The following SDC2 variants were observed in gnomAD, a reference collection of about 807,000 sequenced individuals.
The protein encoded by SDC2 is syndecan-2.
SDC2 carries 13 observed loss-of-function variants against 22.2 expected under a neutral mutation model. The observed-to-expected ratio is 0.59, with a 90% CI of 0.38 to 0.93. The LOEUF (loss-of-function observed/expected upper bound fraction) is 0.93, where lower values mean the gene tolerates loss of function less well. Ranked by LOEUF, SDC2 falls within the 40% of genes least tolerant of loss-of-function variation. The pLI is 0.00. For missense variants in SDC2, 235 were observed against 246.8 expected, an observed-to-expected ratio of 0.95 and a Z score of 0.32; for synonymous variants, 94 against 92.8, an observed-to-expected ratio of 1.01 and a Z score of -0.07.
At chr8:96,602,764 C>T (rs950955547) in intron 3 of SDC2, among the ~76,000 whole-genome samples, 1 of 152,156 alleles carries the variant, frequency 6.6e-6, no homozygotes, top group Non-Finnish European at 1.5e-5. Flanking sequence ...TTGGCATTTA[C>T]CCACTTATAA....
intron 1 of SDC2, among the ~76,000 whole-genome samples, chr8:96,516,409 A>C (rs1813402210): frequency 6.6e-6 from 1 of 152,226 alleles, no homozygotes; most frequent in African/African-American, 2.4e-5. Flanking sequence ...TAGGTACATA[A>C]CATTGAATAG....
At chr8:96,497,788 A>G (rs965063105) in intron 1 of SDC2, among the ~76,000 whole-genome samples, 1 of 152,190 alleles carries the variant, frequency 6.6e-6, no homozygotes, top group African/African-American at 2.4e-5. Flanking sequence ...GCTGGTGGGG[A>G]TCCAGTTGTC....
intron 1 of SDC2, among the ~76,000 whole-genome samples, chr8:96,521,002 T>C (rs1331724484): frequency 6.6e-6 from 1 of 152,198 alleles, no homozygotes; most frequent in Non-Finnish European, 1.5e-5. Context: ...CAAGTGCCTT[T>C]TAAGACCCTT....
intron 1 of SDC2, among the ~76,000 whole-genome samples, chr8:96,520,117 A>G (rs775392019): frequency 6.6e-6 from 1 of 152,208 alleles, no homozygotes; most frequent in Non-Finnish European, 1.5e-5. Context: ...TAGAGCTGAT[A>G]TAAGAATCCA....
At chr8:96,494,615 C>T (rs1224720192) in intron 1 of SDC2, among the ~76,000 whole-genome samples, 1 of 152,068 alleles carries the variant, frequency 6.6e-6, no homozygotes, top group Non-Finnish European at 1.5e-5. Context: ...CCAACTTCTT[C>T]GCCCTCGGCG....
chr8:96,539,587 A>G (rs150828198), intron 1 of SDC2, among the ~76,000 whole-genome samples: 15 of 152,374 alleles, frequency 9.8e-5, no homozygotes, highest in African/African-American at 3.4e-4. Context: ...CTTGCCTAGC[A>G]CTATGCCATA....
chr8:96,574,355 C>T (rs1035904536), intron 1 of SDC2, among the ~76,000 whole-genome samples: 1 of 152,172 alleles, frequency 6.6e-6, no homozygotes, highest in Non-Finnish European at 1.5e-5. Context: ...ACCAAAACAT[C>T]TGCTTTATCA....
At position 96,609,690 on chromosome 8, in the gene SDC2, A is replaced by T; in HGVS notation, c.*142A>T. The T allele has an allele frequency of 1.9e-6, 1 of 532,376 alleles. No homozygotes were observed. The allele number at this position is 532,376 out of a possible 1,614,324, so 33.0% of individuals were successfully genotyped here. On this transcript the variant is annotated 3_prime_UTR_variant, in exon 5 of 5. Coordinates refer to ENST00000302190, the MANE Select transcript of SDC2 (RefSeq NM_002998.4). ...TAATGATAAAATCCCATTGTATTTAAAACATTTCATGTATTTCTTTAGAAC... is the reference window on the plus strand; with the variant it reads ...TAATGATAAAATCCCATTGTATTTATAACATTTCATGTATTTCTTTAGAAC...
intron 1 of SDC2, among the ~76,000 whole-genome samples, chr8:96,509,650 T>G (rs1435828263): frequency 1.0e-5 from 1 of 96,216 alleles, no homozygotes; most frequent in African/African-American, 3.2e-5. Context: ...GTGGTTGGGG[T>G]CCAGCTCCCT....
chr8:96,537,888 C>T (rs748384847), intron 1 of SDC2, among the ~76,000 whole-genome samples: 2 of 152,168 alleles, frequency 1.3e-5, no homozygotes, highest in South Asian at 2.1e-4. Context: ...AGTCTTGGGG[C>T]ATGGTCATAA....
At chr8:96,534,422 A>G (rs1813718920) in intron 1 of SDC2, among the ~76,000 whole-genome samples, 1 of 152,286 alleles carries the variant, frequency 6.6e-6, no homozygotes, top group African/African-American at 2.4e-5. Context: ...AGACTGTTTC[A>G]TGCCAGTGGC....
intron 2 of SDC2, among the ~76,000 whole-genome samples, chr8:96,597,715 G>A (rs530485566): frequency 8.5e-5 from 13 of 152,260 alleles, no homozygotes; most frequent in East Asian, 1.9e-4. Context: ...TGGGACTGTC[G>A]TGTCAAAAAT....
At chr8:96,551,038 T>C (rs1358633097) in intron 1 of SDC2, among the ~76,000 whole-genome samples, 2 of 152,192 alleles carry the variant, frequency 1.3e-5, no homozygotes, top group Non-Finnish European at 2.9e-5. Context: ...CAGCCAGTGA[T>C]AGCATGTTCA....
chr8:96,577,744 C>G (rs1048286024), intron 1 of SDC2, among the ~76,000 whole-genome samples: 1 of 152,172 alleles, frequency 6.6e-6, no homozygotes, highest in Non-Finnish European at 1.5e-5. Flanking sequence ...TTGCCCACCC[C>G]CTCTTCCCCT....
intron 1 of SDC2, among the ~76,000 whole-genome samples, chr8:96,495,273 T>C (rs1023216214): frequency 2.6e-5 from 4 of 152,194 alleles, no homozygotes; most frequent in African/African-American, 9.6e-5. Flanking sequence ...GCGGAGCGCC[T>C]GCCGGCACCC....
chr8:96,569,906 T>C (rs1475150191), intron 1 of SDC2, among the ~76,000 whole-genome samples: 2 of 152,074 alleles, frequency 1.3e-5, no homozygotes, highest in Non-Finnish European at 2.9e-5. Context: ...GCACATGTGC[T>C]CTCTGGGAAA....
At chr8:96,515,315 C>A (rs1451521981) in intron 1 of SDC2, among the ~76,000 whole-genome samples, 3 of 152,188 alleles carry the variant, frequency 2.0e-5, no homozygotes, top group Non-Finnish European at 4.4e-5. Context: ...TGGCAGCCAA[C>A]TAAATTGGTT....
intron 1 of SDC2, among the ~76,000 whole-genome samples, chr8:96,540,839 A>T (rs1219343574): frequency 6.6e-6 from 1 of 152,196 alleles, no homozygotes; most frequent in Non-Finnish European, 1.5e-5. Context: ...TTTACCAGAA[A>T]AATTTCAGTT....
chr8:96,558,759 A>T (rs1392314964), intron 1 of SDC2, among the ~76,000 whole-genome samples: 1 of 152,146 alleles, frequency 6.6e-6, no homozygotes, highest in Non-Finnish European at 1.5e-5. Flanking sequence ...AATCCAAACC[A>T]TAAACTTTCT....
Sources: allele counts gnomAD v4.1 joint callset (sites outside exome capture counted in the v4.1 genomes callset), GRCh38; gene constraint gnomAD v4.1.1; transcripts MANE v1.5; gene names NCBI Gene and HGNC (gene_info 2026-07-23, HGNC 2026-07-21).